The following PLEKHG7 variants were observed in gnomAD, a reference collection of about 807,000 sequenced individuals.
PLEKHG7 encodes the protein pleckstrin homology domain-containing family G member 7.
PLEKHG7 carries 77 observed loss-of-function variants against 85.2 expected under a neutral mutation model. That is an observed-to-expected ratio of 0.90 (90% CI 0.75 to 1.09). The LOEUF (loss-of-function observed/expected upper bound fraction) is 1.09. PLEKHG7 is among the 50% of genes least tolerant of loss of function. The pLI is 0.00. For synonymous variants in PLEKHG7, 301 were observed against 302.4 expected (o/e 1.00, Z 0.05); for missense variants, 777 against 804.3 (o/e 0.97, Z 0.41).
chr12:92,714,788 C>A (rs1187375964), intron 3 of PLEKHG7, among the ~76,000 whole-genome samples: 2 of 152,170 alleles, frequency 1.3e-5, no homozygotes, highest in Non-Finnish European at 2.9e-5. Flanking sequence ...GTGTCAAATG[C>A]ATTTATGTTG....
Position 92,769,083 on chromosome 12 carries a change from A to C in PLEKHG7, c.1968+3A>C, listed in dbSNP as rs1391078293. On this transcript the variant is annotated splice_donor_region_variant and intron_variant, in intron 16 of 16. Coordinates refer to ENST00000344636, the MANE Select transcript of PLEKHG7 (RefSeq NM_001377329.1). ...AAGCCCAAACGGAAAACATCAAAGTATGTATTTTAATTTTGTAGGTCTTTG... is the reference window on the plus strand; with the variant it reads ...AAGCCCAAACGGAAAACATCAAAGTCTGTATTTTAATTTTGTAGGTCTTTG... 1 of 1,549,878 alleles carries C rather than the reference A, an allele frequency of 6.5e-7. No homozygotes were observed. The highest frequency in any genetic ancestry group is 8.9e-7 in the Non-Finnish European group (1 of 1,126,290).
intron 3 of PLEKHG7, among the ~76,000 whole-genome samples, chr12:92,727,962 G>GTGTGTGTA (rs760170614): frequency 0.056 from 5,408 of 96,542 alleles, 782 homozygotes; most frequent in Middle Eastern, 0.15. Context: ...GTGTGTGTGT[G>GTGTGTGTA]TATATATATA....
At position 92,770,974 on chromosome 12, in the gene PLEKHG7, A is replaced by G. The variant is rs968527690; in HGVS notation, c.*779A>G. On this transcript the variant is annotated 3_prime_UTR_variant, in exon 17 of 17. Transcript: ENST00000344636. Reference sequence around the variant, plus strand: ...TTGAAGAATGATGGTGTTTGCCATAAAAATACTTTCTGGTTTTGATTGGTG... The same window carrying G: ...TTGAAGAATGATGGTGTTTGCCATAGAAATACTTTCTGGTTTTGATTGGTG... 5.5e-5 allele frequency: 8 copies of G among 145,964 alleles called. No individual in the cohort carries two copies. Among genetic ancestry groups the G allele is most frequent in the Non-Finnish European group, 1.2e-4 (8 of 66,624 alleles). 9.0% of individuals were successfully genotyped at this position (145,964 alleles called of 1,614,324 possible). A position where few individuals can be genotyped will look rare whatever the true frequency, so the allele number is the denominator to read the frequency against.
At position 92,770,319 on chromosome 12, in the gene PLEKHG7, G is replaced by A. The variant is rs1362149011; in HGVS notation, c.*124G>A. Reference sequence around the variant, plus strand: ...AAATTTGCATTTTAAAGAAGTTTCAGAATTTGAAATTTTGAGCTAGGAAAA... The same window carrying A: ...AAATTTGCATTTTAAAGAAGTTTCAAAATTTGAAATTTTGAGCTAGGAAAA... On this transcript the variant is annotated 3_prime_UTR_variant, in exon 17 of 17. Coordinates refer to ENST00000344636, the MANE Select transcript of PLEKHG7 (RefSeq NM_001377329.1). 3 of 784,006 alleles carry A rather than the reference G, an allele frequency of 3.8e-6. No homozygotes were observed. The highest frequency in any genetic ancestry group is 6.1e-6 in the Non-Finnish European group (3 of 492,028). The allele number at this position is 784,006 out of a possible 1,614,324, so 48.6% of individuals were successfully genotyped here.
intron 3 of PLEKHG7, among the ~76,000 whole-genome samples, chr12:92,720,222 T>A (rs972788817): frequency 6.6e-6 from 1 of 152,220 alleles, no homozygotes; most frequent in Non-Finnish European, 1.5e-5. Flanking sequence ...GCTTGCTTTT[T>A]CATCCAGGCG....
At chr12:92,755,788 G>GCAATGT in intron 11 of PLEKHG7, 37 bp from the exon 12 acceptor site, 1 of 1,350,810 alleles carries the variant, frequency 7.4e-7, no homozygotes, top group Non-Finnish European at 1.1e-6. Flanking sequence ...AATGTCATAT[G>GCAATGT]CACCTAAAAA....
chr12:92,745,489 G>C lies in PLEKHG7; in HGVS notation c.1149G>C (p.Gly383=), dbSNP rs368591056. Residue 383 remains glycine, a synonymous_variant, in exon 10 of 17, where the codon GGG becomes GGC. Coordinates refer to ENST00000344636, the MANE Select transcript of PLEKHG7 (RefSeq NM_001377329.1). ...TTCCTTTCTTGCAGTATTTCCGAGG[G>C]AGTCTCTGTCAGAGCCACCAGACCT... ...FISVLTKYFR[G]SLCQSHQTYC... is the part of the protein sequence containing the mutation. 6 of 1,611,612 alleles carry C rather than the reference G, an allele frequency of 3.7e-6. No individual in the cohort carries two copies. The highest frequency in any genetic ancestry group is 5.1e-6 in the Non-Finnish European group (6 of 1,177,960).
At chr12:92,739,216 A>G (rs1872273335) in intron 7 of PLEKHG7, among the ~76,000 whole-genome samples, 2 of 152,188 alleles carry the variant, frequency 1.3e-5, no homozygotes, top group Non-Finnish European at 2.9e-5. Flanking sequence ...AGAAGTCTTG[A>G]GATTTATTCT....
At chr12:92,703,622 C>T (rs1355063027) in intron 1 of PLEKHG7, among the ~76,000 whole-genome samples, 3 of 152,178 alleles carry the variant, frequency 2.0e-5, no homozygotes, top group South Asian at 2.1e-4. Context: ...AGCCAATTGG[C>T]GGTGATACTG....
At position 92,707,063 on chromosome 12, in the gene PLEKHG7, C is replaced by G. The variant is rs1240929257; in HGVS notation, c.432C>G (p.Ser144=). The G allele has an allele frequency of 1.2e-6, 2 of 1,613,992 alleles. No homozygotes were observed. Among genetic ancestry groups the G allele is most frequent in the African/African-American group, 2.7e-5 (2 of 74,914 alleles). The change falls in exon 2 of 17, where the codon TCC becomes TCG. Residue 144 remains serine (S), a synonymous_variant. Coordinates refer to ENST00000344636, the MANE Select transcript of PLEKHG7 (RefSeq NM_001377329.1). ...AGCTTCAGCCTGTCAATGAAGGGTCCCTTCACCAGGCCTCTCTTCGGCAGC... is the reference window on the plus strand; with the variant it reads ...AGCTTCAGCCTGTCAATGAAGGGTCGCTTCACCAGGCCTCTCTTCGGCAGC... The part of the protein sequence containing the change: ...PPELQPVNEG[S]LHQASLRQQE...
At chr12:92,710,140 G>C (rs1420837715) in intron 3 of PLEKHG7, among the ~76,000 whole-genome samples, 1 of 152,190 alleles carries the variant, frequency 6.6e-6, no homozygotes, top group Non-Finnish European at 1.5e-5. Context: ...ATGATGAGTA[G>C]TGCCACTTTG....
intron 4 of PLEKHG7, among the ~76,000 whole-genome samples, chr12:92,731,702 C>T (rs933476009): frequency 6.6e-6 from 1 of 152,190 alleles, no homozygotes; most frequent in African/African-American, 2.4e-5. Flanking sequence ...CAAGAAGCCC[C>T]GACATGGGTG....
At chr12:92,742,761 T>C (rs888859310) in intron 9 of PLEKHG7, among the ~76,000 whole-genome samples, 3 of 152,120 alleles carry the variant, frequency 2.0e-5, no homozygotes. Context: ...AATTTTTGTA[T>C]TTTTAGTAGA....
In PLEKHG7 at chr12:92,706,612, C is replaced by T; in HGVS notation, c.-20C>T. On this transcript the variant is annotated 5_prime_UTR_variant, in exon 2 of 17. An upstream open reading frame in the 5' UTR gains an earlier in-frame stop. Coordinates refer to ENST00000344636, the MANE Select transcript of PLEKHG7 (RefSeq NM_001377329.1). ...TACGTCTTCTGGAACCTTCTACCAA[C>T]AGTAGAACCTCTTAGCTTTATGGAG... 6.3e-7 allele frequency: 1 copy of T among 1,581,262 alleles called. No individual in the cohort carries two copies. The highest frequency in any genetic ancestry group is 8.6e-7 in the Non-Finnish European group (1 of 1,164,584).
chr12:92,721,294 A>AT (rs1182500932), intron 3 of PLEKHG7, among the ~76,000 whole-genome samples: 1 of 152,176 alleles, frequency 6.6e-6, no homozygotes, highest in African/African-American at 2.4e-5. Context: ...CAGCTGCCTC[A>AT]TTGTTGAGTG....
At chr12:92,727,927 G>GGTGAGT (rs1403793756) in intron 3 of PLEKHG7, among the ~76,000 whole-genome samples, 42 of 84,988 alleles carry the variant, frequency 4.9e-4, no homozygotes, top group Admixed American at 1.0e-3. Flanking sequence ...GGTATTCTAT[G>GGTGAGT]GTGTGTGTGT....
Position 92,764,083 on chromosome 12 carries a change from A to C in PLEKHG7, c.1759A>C (p.Thr587Pro). 1.9e-6 allele frequency: 3 copies of C among 1,612,476 alleles called. No individual in the cohort carries two copies. Among genetic ancestry groups the C allele is most frequent in the Non-Finnish European group, 2.5e-6 (3 of 1,179,182 alleles). ...CCCTGGTTTAATGTGTCCTTCTCTT[A>C]CTCCTGAGTTGCAAGCAGTAATAAA... ...SDPGLMCPSL[T>P]PELQAVIKEG... Residue 587 changes from threonine to proline, a missense_variant, in exon 15 of 17, where the codon ACT (threonine) becomes CCT (proline). Transcript: ENST00000344636.
rs571471118 is a variant in PLEKHG7, at chr12:92,740,722, C to T, written c.940-131C>T. 4.8e-3 allele frequency: 3,044 copies of T among 633,832 alleles called. 10 individuals are homozygous for T. Among genetic ancestry groups the T allele is most frequent in the Non-Finnish European group, 6.4e-3 (2,299 of 361,048 alleles). 39.3% of individuals were successfully genotyped at this position (633,832 alleles called of 1,614,324 possible). Reference sequence around the variant, plus strand: ...ATTTGTCTTGAGTATAACATTTAAACCTTGAGAGTGCTGATTTCTCCATTG... The same window carrying T: ...ATTTGTCTTGAGTATAACATTTAAATCTTGAGAGTGCTGATTTCTCCATTG... On this transcript the variant is annotated intron_variant, in intron 7 of 16. Transcript: ENST00000344636.
intron 3 of PLEKHG7, among the ~76,000 whole-genome samples, chr12:92,717,833 C>T (rs1295670546): frequency 3.3e-5 from 5 of 152,182 alleles, no homozygotes; most frequent in Non-Finnish European, 1.5e-5. Flanking sequence ...TTTCTCAGAA[C>T]GTATCCCCAT....
Sources: allele counts gnomAD v4.1 joint callset (sites outside exome capture counted in the v4.1 genomes callset), GRCh38; gene constraint gnomAD v4.1.1; transcripts MANE v1.5; gene names NCBI Gene and HGNC (gene_info 2026-07-23, HGNC 2026-07-21).